Variants in AGRN observed in about 807,000 individuals in gnomAD.
AGRN encodes agrin proteoglycan.
In AGRN, 106 loss-of-function variants were observed where a neutral mutation model predicts 211.0. The ratio of observed to expected loss-of-function variants is 0.50; its 90% CI spans 0.43 to 0.59. The LOEUF is 0.59. AGRN is among the 20% of genes least tolerant of loss of function. AGRN has a pLI of 0.00. For synonymous variants in AGRN, 1,525 were observed against 1,332.5 expected (o/e 1.14, Z -3.15); for missense variants, 3,040 against 2,982.6 (o/e 1.02, Z -0.45).
intron 1 of AGRN, among the ~76,000 whole-genome samples, chr1:1,020,994 A>T (rs1403853370): frequency 6.6e-6 from 1 of 151,974 alleles, no homozygotes; most frequent in East Asian, 1.9e-4. Context: ...TTTCTCCTTC[A>T]GGTGCTTCTG....
Position 1,045,380 on chromosome 1 carries a change from A to T in AGRN, c.2393A>T (p.His798Leu), listed in dbSNP as rs1645061478. 1.9e-6 allele frequency: 3 copies of T among 1,611,858 alleles called. No individual in the cohort carries two copies. The highest frequency in any genetic ancestry group is 1.7e-4 in the Middle Eastern group (1 of 6,058). Residue 798 changes from histidine (H) to leucine (L), a missense_variant, in exon 14 of 36, where the codon CAT (histidine) becomes CTT (leucine). This residue lies in a region of AGRN where 1,498 missense variants were observed against 1,457.8 expected (regional missense o/e 1.03). Coordinates refer to ENST00000379370, the MANE Select transcript of AGRN (RefSeq NM_198576.4). ...TCAGGTGCCTGCCAGTGCAACCCCC[A>T]TGGCTCTTACGGCGGCACCTGTGAC... ...GCPSACQCNP[H>L]GSYGGTCDPA...
chr1:1,053,081 A>G (rs1241485368), intron 33 of AGRN: 3 of 221,084 alleles, frequency 1.4e-5, no homozygotes. Flanking sequence ...GCACACATGC[A>G]TGTGTGTACT....
chr1:1,040,028 G>A (rs1644890861), intron 3 of AGRN, among the ~76,000 whole-genome samples: 1 of 152,226 alleles, frequency 6.6e-6, no homozygotes, highest in Non-Finnish European at 1.5e-5. Flanking sequence ...GGCGCAGGGA[G>A]CGGTCAGGGA....
At position 1,050,319 on chromosome 1, in the gene AGRN, C is replaced by A. The variant is rs145111679; in HGVS notation, c.4966C>A (p.Arg1656=). ...GCTGAGAGGCCTGCACACCTTTGCA[C>A]GGGACCTGGGGTCGGTGGGGCAGGA... is the stretch of plus-strand genomic sequence containing the variant. ...LELRGLHTFA[R]DLGEKMALEV... is the part of the protein sequence containing the mutation. The change falls in exon 28 of 36, where the codon CGG becomes AGG. Residue 1656 remains arginine (R), a synonymous_variant. Transcript: ENST00000379370. The A allele has an allele frequency of 2.2e-5, 35 of 1,612,834 alleles. No homozygotes were observed. The African/African-American group carries it at 3.5e-4, about 16-fold the overall frequency.
In AGRN at chr1:1,054,863, A is replaced by G. The variant is rs1645410114; in HGVS notation, c.6020A>G (p.Lys2007Arg). ...CTGCCCGTGGGCCCAGCACTGCCCAAGGCCTACGGCACAGGCTTTGTGGGC... is the reference window on the plus strand; with the variant it reads ...CTGCCCGTGGGCCCAGCACTGCCCAGGGCCTACGGCACAGGCTTTGTGGGC... ...PELPVGPALP[K>R]AYGTGFVGCL... Residue 2007 changes from lysine to arginine, a missense_variant, in exon 36 of 36, where the codon AAG (lysine) becomes AGG (arginine). Around this residue, in one of 3 missense-constraint regions of AGRN, gnomAD observed 1,537 missense variants for 1,505.0 expected, o/e 1.02. Coordinates refer to ENST00000379370, the MANE Select transcript of AGRN (RefSeq NM_198576.4). 1 of 1,558,170 alleles carries G rather than the reference A, an allele frequency of 6.4e-7. No homozygotes were observed. Among genetic ancestry groups the G allele is most frequent in the Non-Finnish European group, 8.7e-7 (1 of 1,152,442 alleles).
At chr1:1,035,512 C>T (rs969419397) in intron 3 of AGRN, among the ~76,000 whole-genome samples, 188 bp downstream of exon 3, 2 of 152,210 alleles carry the variant, frequency 1.3e-5, no homozygotes, top group African/African-American at 4.8e-5. Flanking sequence ...GTCTAGAGGC[C>T]GCCGCCTGAC....
In AGRN at chr1:1,020,273, G is replaced by A; in HGVS notation, c.101G>A (p.Arg34His). 6.8e-7 allele frequency: 1 copy of A among 1,468,652 alleles called. No individual in the cohort carries two copies. Among genetic ancestry groups the A allele is most frequent in the Non-Finnish European group, 9.0e-7 (1 of 1,109,952 alleles). The allele number at this position is 1,468,652 out of a possible 1,614,324, so 91.0% of individuals were successfully genotyped here. A position where few individuals can be genotyped will look rare whatever the true frequency, so the allele number is the denominator to read the frequency against. The change falls in exon 1 of 36, where the codon CGC becomes CAC. Residue 34 changes from arginine to histidine, a missense_variant. Arg to His is a conservative substitution (Grantham distance 29). Around this residue, in one of 3 missense-constraint regions of AGRN, gnomAD observed 1,498 missense variants for 1,457.8 expected, o/e 1.03. Transcript: ENST00000379370. ...LPGAGGTCPERALERREEEAN... is the reference protein window; with the variant it reads ...LPGAGGTCPEHALERREEEAN... ...GGAGCCGGCGGGACATGCCCGGAGC[G>A]CGCGCTGGAGCGGCGCGAGGAGGAG...
At chr1:1,034,588 G>C in intron 2 of AGRN, 3 of 986,372 alleles carry the variant, frequency 3.0e-6, no homozygotes, top group Non-Finnish European at 3.6e-6. Flanking sequence ...GGGACACCCG[G>C]CAGCCGCCTG....
At position 1,049,949 on chromosome 1, in the gene AGRN, C is replaced by T; in HGVS notation, c.4791C>T (p.Cys1597=). The stretch of plus-strand genomic sequence containing the variant: ...AGAGCCCCTGCCAGCCCAACCCCTG[C>T]CATGGGGCGGCGCCCTGCCGTGTGC... The part of the protein sequence containing the change: ...DEKSPCQPNP[C]HGAAPCRVLP... Residue 1597 remains cysteine (C), a synonymous_variant, in exon 27 of 36, where the codon TGC becomes TGT. Coordinates refer to ENST00000379370, the MANE Select transcript of AGRN (RefSeq NM_198576.4). 6.2e-7 allele frequency: 1 copy of T among 1,612,284 alleles called. No individual in the cohort carries two copies. The highest frequency in any genetic ancestry group is 8.5e-7 in the Non-Finnish European group (1 of 1,179,818).
chr1:1,022,052 TC>T (rs1644417632), intron 1 of AGRN, 148 bp from the exon 2 acceptor site: 4 of 994,538 alleles, frequency 4.0e-6, no homozygotes, highest in African/African-American at 1.6e-5. Flanking sequence ...TCCCCCAGCT[TC>T]CGCCCAGCGG....
intron 13 of AGRN, 28 bp from the exon 14 acceptor site, chr1:1,045,331 G>A (rs376416185): frequency 3.3e-5 from 53 of 1,611,864 alleles, no homozygotes; most frequent in Non-Finnish European, 4.2e-5. Context: ...GTGCGGCCAC[G>A]TGACCTTGTC....
At chr1:1,049,490 C>T (rs1434408632) in intron 25 of AGRN, 39 bp downstream of exon 25, 1 of 1,599,520 alleles carries the variant, frequency 6.3e-7, no homozygotes, top group Admixed American at 1.7e-5. Flanking sequence ...CGACCCCGGC[C>T]CTTTGGGGTC....
intron 2 of AGRN, 60 bp from the exon 3 acceptor site, chr1:1,035,217 G>T: frequency 6.3e-7 from 1 of 1,592,752 alleles, no homozygotes; most frequent in Non-Finnish European, 8.6e-7. Context: ...CTGGGCAAAG[G>T]GATGGGACAG....
intron 2 of AGRN, among the ~76,000 whole-genome samples, chr1:1,028,302 T>C (rs1644563840): frequency 1.4e-5 from 2 of 141,394 alleles, no homozygotes; most frequent in South Asian, 4.5e-4. Flanking sequence ...CTGGCCGTTC[T>C]CTCTCCCGTG....
rs745473261 is a variant in AGRN at position 1,044,454 on chromosome 1, C to G, written c.2254+15C>G. Reference sequence around the variant, plus strand: ...AGCCTGCCGAGGTGAGCCGGCTGCACGTGGGGTCTCAGGCACAGGCGGGGC... The same window carrying G: ...AGCCTGCCGAGGTGAGCCGGCTGCAGGTGGGGTCTCAGGCACAGGCGGGGC... On this transcript the variant is annotated intron_variant, in intron 12 of 35. Transcript: ENST00000379370. 1 of 1,597,628 alleles carries G rather than the reference C, an allele frequency of 6.3e-7. No individual in the cohort carries two copies. The highest frequency in any genetic ancestry group is 8.5e-7 in the Non-Finnish European group (1 of 1,172,806).
chr1:1,051,884 ACCAGGAGGGC>A (rs1245809910), intron 33 of AGRN, 69 bp downstream of exon 33: 2 of 1,591,878 alleles, frequency 1.3e-6, no homozygotes, highest in East Asian at 2.3e-5. Context: ...GGACCCCCAC[ACCAGGAGGGC>A]CCAGGAGGGG....
In AGRN at chr1:1,040,707, C is replaced by G. The variant is rs1439165940; in HGVS notation, c.554C>G (p.Pro185Arg). 37 of 1,547,422 alleles carry G rather than the reference C, an allele frequency of 2.4e-5. No homozygotes were observed. Among genetic ancestry groups the G allele is most frequent in the Non-Finnish European group, 3.2e-5 (37 of 1,146,906 alleles). Residue 185 changes from proline (P) to arginine (R), a missense_variant, in exon 4 of 36, where the codon CCC becomes CGC. By Grantham distance (103) the Pro-to-Arg change is moderately radical. Around this residue, in one of 3 missense-constraint regions of AGRN, gnomAD observed 1,498 missense variants for 1,457.8 expected, o/e 1.03. Coordinates refer to ENST00000379370, the MANE Select transcript of AGRN (RefSeq NM_198576.4). Reference protein sequence around the residue: ...MLCGFGAVCEPNAEGPGRASC... With the variant: ...MLCGFGAVCERNAEGPGRASC... ...TGCGGCTTCGGCGCCGTGTGCGAGC[C>G]CAACGCGGAGGGGCCGGGCCGGGCG...
intron 31 of AGRN, 34 bp downstream of exon 31, chr1:1,051,403 C>CG: frequency 1.6e-6 from 1 of 631,548 alleles, no homozygotes; most frequent in Non-Finnish European, 2.6e-6. Context: ...GCAGGGCCTC[C>CG]GGGGCGGGCG....
rs150132566 is a variant in AGRN, at chr1:1,046,833, G to C, written c.3264G>C (p.Leu1088Phe). ...GCGTCTCCCCAGGGCTCGAGCCCTT[G>C]GAGGGCAGCAGCGTGGCCACCCCTG... The part of the protein sequence containing the change: ...SGGGSGGLEP[L>F]EGSSVATPGP... The change falls in exon 19 of 36, where the codon TTG (leucine) becomes TTC (phenylalanine). Residue 1088 changes from leucine to phenylalanine, a missense_variant. This residue lies in a region of AGRN where 1,537 missense variants were observed against 1,505.0 expected (regional missense o/e 1.02). Coordinates refer to ENST00000379370, the MANE Select transcript of AGRN (RefSeq NM_198576.4). The C allele has an allele frequency of 7.4e-3, 11,655 of 1,585,702 alleles. 74 individuals carry two copies. Among genetic ancestry groups the C allele is most frequent in the African/African-American group, 0.03 (2,235 of 74,884 alleles).
Sources: gnomAD v4.1 joint callset for allele counts (sites outside exome capture counted in the v4.1 genomes callset) on GRCh38, gnomAD v4.1.1 for gene constraint, gnomAD v4.1.1 regional missense constraint, MANE v1.5 for transcripts, NCBI Gene and HGNC (gene_info 2026-07-23, HGNC 2026-07-21) for gene names.